The following DNAH7 variants were observed in gnomAD, a reference collection of about 807,000 sequenced individuals.
The protein encoded by DNAH7 is dynein axonemal heavy chain 7.
Under a neutral mutation model 444.6 loss-of-function variants are expected in DNAH7, and 397 were observed. That is an observed-to-expected ratio of 0.89 (90% confidence interval 0.82 to 0.97). DNAH7 has a LOEUF of 0.97. Ranked by LOEUF, DNAH7 falls within the 50% of genes least tolerant of loss-of-function variation. The pLI is 0.00. For missense variants in DNAH7, 4,902 were observed against 4,800.8 expected (o/e 1.02, Z -0.62); for synonymous variants, 1,636 against 1,624.4 (o/e 1.01, Z -0.17).
chr2:195,882,900 T>A (rs1701481726), intron 35 of DNAH7, among the ~76,000 whole-genome samples: 1 of 152,154 alleles, frequency 6.6e-6, no homozygotes, highest in Non-Finnish European at 1.5e-5. Context: ...GAACGGCACA[T>A]GACTGTCATC....
chr2:195,876,601 C>T lies in DNAH7; in HGVS notation c.6060G>A (p.Met2020Ile), dbSNP rs770841827. Residue 2020 changes from methionine to isoleucine, a missense_variant, in exon 37 of 65, where the codon ATG (methionine) becomes ATA (isoleucine). Met to Ile is a conservative substitution (Grantham distance 10). Transcript: ENST00000312428. ...CCTTTCTTCTCTTGTCCAATTTTGACATGACAATATTCTGAGTTTGAGCTG... is the reference window on the plus strand; with the variant it reads ...CCTTTCTTCTCTTGTCCAATTTTGATATGACAATATTCTGAGTTTGAGCTG... ...TTAAQTQNIVMSKLDKRRKGV... is the reference protein window; with the variant it reads ...TTAAQTQNIVISKLDKRRKGV... The T allele has an allele frequency of 9.3e-6, 15 of 1,613,714 alleles. No individual in the cohort carries two copies. The highest frequency in any genetic ancestry group is 1.1e-5 in the Non-Finnish European group (13 of 1,179,862).
intron 15 of DNAH7, 37 bp from the exon 16 acceptor site, chr2:195,972,503 G>A (rs761416721): frequency 2.7e-6 from 4 of 1,485,906 alleles, no homozygotes; most frequent in African/African-American, 1.4e-5. Context: ...ACATTTTAAC[G>A]AACAGCTCAT....
At chr2:195,872,224 C>T in intron 40 of DNAH7, 26 bp downstream of exon 40, 1 of 1,547,006 alleles carries the variant, frequency 6.5e-7, no homozygotes, top group Non-Finnish European at 8.9e-7. Context: ...CTCACATAAT[C>T]CCATTTCAAT....
intron 35 of DNAH7, among the ~76,000 whole-genome samples, chr2:195,883,812 T>C (rs1009006509): frequency 6.6e-6 from 1 of 152,190 alleles, no homozygotes; most frequent in South Asian, 2.1e-4. Flanking sequence ...TAGAAATTTA[T>C]CTTAAGGATA....
At chr2:195,821,625 G>A (rs565817823) in intron 49 of DNAH7, among the ~76,000 whole-genome samples, 1 of 152,292 alleles carries the variant, frequency 6.6e-6, no homozygotes, top group Admixed American at 6.5e-5. Context: ...ATTGAAGGTT[G>A]TTTGACCGAA....
rs138864465 is a variant in DNAH7 at position 195,952,680 on chromosome 2, T to A, written c.3078+4581A>T. 7.2e-5 allele frequency among the ~76,000 whole-genome samples: 11 copies of A among 152,324 alleles called. No individual in the cohort carries two copies. In the East Asian group the frequency reaches 2.1e-3, roughly 29 times the overall value. On this transcript the variant is annotated intron_variant, in intron 19 of 64. Coordinates refer to ENST00000312428, the MANE Select transcript of DNAH7 (RefSeq NM_018897.3). The stretch of plus-strand genomic sequence containing the variant: ...GTCTTCATGCTTTATTTCATTAAGT[T>A]GCTCTTCAATCTCTGATACCCTTTC...
intron 45 of DNAH7, 152 bp from the exon 46 acceptor site, chr2:195,853,680 T>C: frequency 1.4e-6 from 1 of 714,782 alleles, no homozygotes; most frequent in Non-Finnish European, 2.2e-6. Context: ...AAGTCCATGA[T>C]ATTTTAGAAT....
chr2:195,797,680 C>T (rs1441813224), intron 55 of DNAH7, among the ~76,000 whole-genome samples: 1 of 152,202 alleles, frequency 6.6e-6, no homozygotes, highest in Non-Finnish European at 1.5e-5. Context: ...TAGCCAACGC[C>T]CTTACTAGGG....
intron 29 of DNAH7, among the ~76,000 whole-genome samples, chr2:195,897,054 A>G (rs895144205): frequency 2.6e-5 from 4 of 152,182 alleles, no homozygotes; most frequent in Non-Finnish European, 5.9e-5. Context: ...TTAGTCCAAC[A>G]TCTAACATTT....
intron 40 of DNAH7, among the ~76,000 whole-genome samples, chr2:195,868,779 C>G (rs112698499): frequency 6.7e-6 from 1 of 150,328 alleles, no homozygotes; most frequent in African/African-American, 2.5e-5. Context: ...CCAGGTGATA[C>G]GTGCATTAAC....
At chr2:195,838,613 T>C (rs189581582) in intron 47 of DNAH7, among the ~76,000 whole-genome samples, 13 of 152,046 alleles carry the variant, frequency 8.6e-5, no homozygotes, top group African/African-American at 3.1e-4. Flanking sequence ...TGAATATATA[T>C]AGTCCAATTT....
At chr2:196,008,086 A>T (rs7563517) in intron 10 of DNAH7, among the ~76,000 whole-genome samples, 24,385 of 152,010 alleles carry the variant, frequency 0.16, 3,087 homozygotes, top group African/African-American at 0.36. Flanking sequence ...TACATGTCAA[A>T]AATAAAAATC....
chr2:196,051,520 C>A (rs1697465892), intron 2 of DNAH7, among the ~76,000 whole-genome samples: 1 of 152,144 alleles, frequency 6.6e-6, no homozygotes, highest in Admixed American at 6.5e-5. Context: ...GTAATCCCAG[C>A]ACTCTGGGAG....
intron 61 of DNAH7, among the ~76,000 whole-genome samples, chr2:195,765,058 G>T (rs1247361212): frequency 1.3e-5 from 2 of 151,972 alleles, no homozygotes; most frequent in Admixed American, 6.6e-5. Context: ...AATAGAACAG[G>T]AGAGAGAACC....
At chr2:195,806,510 C>A (rs1416266016) in intron 54 of DNAH7, among the ~76,000 whole-genome samples, 1 of 152,036 alleles carries the variant, frequency 6.6e-6, no homozygotes. Context: ...AACAAATAAT[C>A]ACAAAATAAA....
Position 196,000,882 on chromosome 2 carries a change from T to A in DNAH7, c.1175A>T (p.Asp392Val). Residue 392 changes from aspartate (D) to valine (V), a missense_variant and splice_region_variant, in exon 12 of 65, where the codon GAT (aspartate) becomes GTT (valine). Physicochemically the swap from Asp to Val is radical, Grantham distance 152. Coordinates refer to ENST00000312428, the MANE Select transcript of DNAH7 (RefSeq NM_018897.3). ...TGGATGTTCAAAAGCTCTAACAGAA[T>A]CCTGCAAAAAATTAAAAAATTTACA... ...DFTDLIAQPP[D>V]SVRAFEHPGF... 1 of 1,559,014 alleles carries A rather than the reference T, an allele frequency of 6.4e-7. No homozygotes were observed. The highest frequency in any genetic ancestry group is 1.2e-5 in the South Asian group (1 of 80,490).
chr2:195,996,678 G>A (rs914884267), intron 12 of DNAH7, among the ~76,000 whole-genome samples: 4 of 151,892 alleles, frequency 2.6e-5, no homozygotes, highest in South Asian at 4.2e-4. Flanking sequence ...CACCCGCCTC[G>A]CCCTCCCAAA....
chr2:195,782,210 C>T (rs1481372730), intron 58 of DNAH7, among the ~76,000 whole-genome samples: 1 of 152,102 alleles, frequency 6.6e-6, no homozygotes, highest in Non-Finnish European at 1.5e-5. Flanking sequence ...TATCGAATAC[C>T]TCTTCCATTT....
chr2:195,979,140 A>G (rs1341666593), intron 15 of DNAH7, among the ~76,000 whole-genome samples: 1 of 152,228 alleles, frequency 6.6e-6, no homozygotes, highest in Non-Finnish European at 1.5e-5. Flanking sequence ...AGATATTTAC[A>G]GAACATTTCA....
Sources: allele counts gnomAD v4.1 joint callset (sites outside exome capture counted in the v4.1 genomes callset), GRCh38; gene constraint gnomAD v4.1.1; transcripts MANE v1.5; gene names NCBI Gene and HGNC (gene_info 2026-07-23, HGNC 2026-07-21).